TRPM7: variants seen among roughly 807,000 people sequenced by gnomAD.
The protein encoded by TRPM7 is transient receptor potential cation channel subfamily M member 7, also known as LTRPC ion channel family member 7.
Under a neutral mutation model 229.7 loss-of-function variants are expected in TRPM7, and 134 were observed. The observed-to-expected ratio is 0.58, with a 90% CI of 0.51 to 0.67. The LOEUF (loss-of-function observed/expected upper bound fraction) is 0.67. Among genes scored for constraint, TRPM7 ranks in the 30% least tolerant of loss-of-function variants. TRPM7 has a pLI of 0.00. For missense variants in TRPM7, 1,901 were observed against 2,210.0 expected, an observed-to-expected ratio of 0.86 and a Z score of 2.80; for synonymous variants, 699 against 715.2, an observed-to-expected ratio of 0.98 and a Z score of 0.36.
rs746768152 is a variant in TRPM7, at chr15:50,592,299, A to G, written c.3936T>C (p.Pro1312=). ...LPQGDLESNN[P]FHCNILMKDD... ...CTTTCATTAAAATATTACAATGAAA[A>G]GGATTATTACTTTCAAGATCACCTT... The change falls in exon 26 of 39, where the codon CCT becomes CCC. Residue 1312 remains proline (P), a synonymous_variant. Coordinates refer to ENST00000646667, the MANE Select transcript of TRPM7 (RefSeq NM_017672.6). 1.2e-6 allele frequency: 2 copies of G among 1,613,776 alleles called. No homozygotes were observed. Among genetic ancestry groups the G allele is most frequent in the Non-Finnish European group, 1.7e-6 (2 of 1,179,968 alleles).
Position 50,578,927 on chromosome 15 carries a change from T to C in TRPM7, c.4593-263A>G, listed in dbSNP as rs147054537. On this transcript the variant is annotated intron_variant, in intron 30 of 38. Coordinates refer to ENST00000646667, the MANE Select transcript of TRPM7 (RefSeq NM_017672.6). ...TTATGCATAAATATTATTAGCAGTT[T>C]GGTGCCAAATTGAAGGCTCTATACT... 4.4e-3 allele frequency among the ~76,000 whole-genome samples: 668 copies of C among 151,956 alleles called. 7 individuals are homozygous for C. The highest frequency in any genetic ancestry group is 0.015 in the African/African-American group (626 of 41,490).
At chr15:50,613,667 A>C in intron 15 of TRPM7, 40 bp downstream of exon 15, 1 of 1,461,074 alleles carries the variant, frequency 6.8e-7, no homozygotes, top group Non-Finnish European at 9.0e-7. Flanking sequence ...AGAAAGAAGA[A>C]AATAAAAACC....
At chr15:50,649,536 AATC>A (rs2061359787) in intron 3 of TRPM7, among the ~76,000 whole-genome samples, 2 of 152,326 alleles carry the variant, frequency 1.3e-5, no homozygotes, top group South Asian at 4.1e-4. Context: ...TAAATCTCAA[AATC>A]ATCATACTGA....
At chr15:50,684,181 C>A (rs2062305837) in intron 1 of TRPM7, among the ~76,000 whole-genome samples, 1 of 148,714 alleles carries the variant, frequency 6.7e-6, no homozygotes, top group African/African-American at 2.5e-5. Flanking sequence ...GAGACAGAGT[C>A]TCACTCTGTC....
rs1476252995 is a variant in TRPM7, at chr15:50,609,631, T to G, written c.2530A>C (p.Lys844Gln). 2.5e-6 allele frequency: 4 copies of G among 1,612,492 alleles called. No individual in the cohort carries two copies. The highest frequency in any genetic ancestry group is 3.3e-5 in the Admixed American group (2 of 59,848). ...MKSKKLPITR[K>Q]FYAFYHAPIV... Reference sequence around the variant, plus strand: ...GGTGCATGATAAAAGGCATAAAACTTTCGCGTAATTGGAAGCTTTTTTGAT... The same window carrying G: ...GGTGCATGATAAAAGGCATAAAACTGTCGCGTAATTGGAAGCTTTTTTGAT... Residue 844 changes from lysine to glutamine, a missense_variant, in exon 19 of 39, where the codon AAG becomes CAG. Physicochemically the swap from Lys to Gln is moderately conservative, Grantham distance 53. Coordinates refer to ENST00000646667, the MANE Select transcript of TRPM7 (RefSeq NM_017672.6).
At chr15:50,683,481 T>C (rs1215619152) in intron 1 of TRPM7, among the ~76,000 whole-genome samples, 2 of 150,456 alleles carry the variant, frequency 1.3e-5, no homozygotes, top group African/African-American at 4.9e-5. Context: ...ACGCCTGTAA[T>C]CCCAACACTT....
At chr15:50,604,837 CG>C in intron 21 of TRPM7, 28 bp downstream of exon 21, 1 of 1,523,552 alleles carries the variant, frequency 6.6e-7, no homozygotes, top group Non-Finnish European at 8.8e-7. Flanking sequence ...AATAAACCCA[CG>C]AGTATTATCA....
intron 22 of TRPM7, among the ~76,000 whole-genome samples, chr15:50,596,876 G>A (rs776918856): frequency 4.6e-5 from 7 of 152,052 alleles, no homozygotes; most frequent in Non-Finnish European, 7.3e-5. Context: ...TCAGCCGCCC[G>A]AATAGCTGGG....
intron 1 of TRPM7, among the ~76,000 whole-genome samples, chr15:50,668,189 T>C (rs1258949498): frequency 6.6e-6 from 1 of 152,192 alleles, no homozygotes; most frequent in African/African-American, 2.4e-5. Context: ...TCTGATAACT[T>C]TGGAGACTCT....
intron 27 of TRPM7, among the ~76,000 whole-genome samples, chr15:50,587,943 C>T (rs1206427462): frequency 1.3e-5 from 2 of 152,128 alleles, no homozygotes; most frequent in Non-Finnish European, 2.9e-5. Flanking sequence ...TTCTTTCTAG[C>T]ACTTTTTCTC....
chr15:50,638,834 C>A (rs1303930092), intron 6 of TRPM7, among the ~76,000 whole-genome samples: 2 of 152,024 alleles, frequency 1.3e-5, no homozygotes, highest in African/African-American at 4.8e-5. Flanking sequence ...GCACAGGCCA[C>A]TACACCCAGT....
rs1456331871 is a variant in TRPM7 at position 50,586,410 on chromosome 15, G to A, written c.4468C>T (p.Pro1490Ser). The change falls in exon 28 of 39, where the codon CCT (proline) becomes TCT (serine). Residue 1490 changes from proline (P) to serine (S), a missense_variant. Coordinates refer to ENST00000646667, the MANE Select transcript of TRPM7 (RefSeq NM_017672.6). ...TACTCACCTTGTTTTGAATGAACAGGAATGGAAGTTCTGTGACAGTCAGTA... is the reference window on the plus strand; with the variant it reads ...TACTCACCTTGTTTTGAATGAACAGAAATGGAAGTTCTGTGACAGTCAGTA... ...GFTDCHRTSI[P>S]VHSKQAEKIS... 9 of 1,610,210 alleles carry A rather than the reference G, an allele frequency of 5.6e-6. No homozygotes were observed. Among genetic ancestry groups the A allele is most frequent in the Non-Finnish European group, 7.6e-6 (9 of 1,176,634 alleles).
At chr15:50,623,787 T>C (rs1764179382) in intron 12 of TRPM7, among the ~76,000 whole-genome samples, 2 of 139,366 alleles carry the variant, frequency 1.4e-5, no homozygotes, top group South Asian at 2.3e-4. Flanking sequence ...AAACAATGAA[T>C]GTAAAAAAAG....
intron 15 of TRPM7, 67 bp downstream of exon 15, chr15:50,613,640 A>T: frequency 7.4e-7 from 1 of 1,356,908 alleles, no homozygotes; most frequent in Non-Finnish European, 9.6e-7. Context: ...TTTTTGTTTA[A>T]TAATACTAAG....
rs1229410594 is a variant in TRPM7 at position 50,581,851 on chromosome 15, A to C, written c.4558-943T>G. Among the ~76,000 whole-genome samples the C allele has an allele frequency of 2.7e-5, 4 of 150,562 alleles. No homozygotes were observed. In the East Asian group the frequency reaches 7.8e-4, roughly 29 times the overall value. On this transcript the variant is annotated intron_variant, in intron 29 of 38. Coordinates refer to ENST00000646667, the MANE Select transcript of TRPM7 (RefSeq NM_017672.6). ...TTCCATGTCTCTTTACCTTTAATAT[A>C]TTTTCCATCTGACTATGTAGTTTAT...
rs181381797 is a variant in TRPM7, at chr15:50,601,511, G to A, written c.2989-2215C>T. ...ACAAAAATTAGCCGGGCATGGTGGC[G>A]CACACCTGTAGTCCCAGCTACTCGG... is the stretch of plus-strand genomic sequence containing the variant. On this transcript the variant is annotated intron_variant, in intron 21 of 38. Transcript: ENST00000646667. 2.0e-3 allele frequency among the ~76,000 whole-genome samples: 299 copies of A among 152,118 alleles called. 1 individual carries two copies. Among genetic ancestry groups the A allele is most frequent in the African/African-American group, 6.6e-3 (273 of 41,490 alleles).
intron 2 of TRPM7, among the ~76,000 whole-genome samples, chr15:50,660,402 A>C (rs1024089877): frequency 5.9e-5 from 9 of 152,208 alleles, no homozygotes; most frequent in African/African-American, 1.9e-4. Flanking sequence ...AGGCACGGTG[A>C]CTCACTTTGG....
intron 1 of TRPM7, among the ~76,000 whole-genome samples, chr15:50,680,016 T>A (rs1471707644): frequency 2.0e-5 from 3 of 151,946 alleles, no homozygotes. Flanking sequence ...GGTGGATCAC[T>A]TGAGGTCAGG....
At position 50,643,552 on chromosome 15, in the gene TRPM7, T is replaced by C; in HGVS notation, c.323A>G (p.Tyr108Cys). The C allele has an allele frequency of 1.2e-6, 2 of 1,611,858 alleles. No individual in the cohort carries two copies. The highest frequency in any genetic ancestry group is 1.3e-5 in the African/African-American group (1 of 74,982). ...TTTGGTGTCATATGATAGCCTCACATACTAGAAAAAGATTTTAAAAGGAGA... is the reference window on the plus strand; with the variant it reads ...TTTGGTGTCATATGATAGCCTCACACACTAGAAAAAGATTTTAAAAGGAGA... ...QGGSHSYRAKYVRLSYDTKPE... is the reference protein window; with the variant it reads ...QGGSHSYRAKCVRLSYDTKPE... Residue 108 changes from tyrosine to cysteine, a missense_variant and splice_region_variant, in exon 5 of 39, where the codon TAT (tyrosine) becomes TGT (cysteine). Transcript: ENST00000646667.
Sources: allele counts gnomAD v4.1 joint callset (sites outside exome capture counted in the v4.1 genomes callset), GRCh38; gene constraint gnomAD v4.1.1; transcripts MANE v1.5; gene names NCBI Gene and HGNC (gene_info 2026-07-23, HGNC 2026-07-21).